The following TNNI1 variants were observed in gnomAD, a reference collection of about 807,000 sequenced individuals.
TNNI1 encodes the protein troponin I1, slow skeletal type.
Under a neutral mutation model 26.7 loss-of-function variants are expected in TNNI1, and 14 were observed. The observed-to-expected ratio is 0.52, with a 90% confidence interval of 0.35 to 0.82. The LOEUF is 0.82. Ranked by LOEUF, TNNI1 falls within the 40% of genes least tolerant of loss-of-function variation. The probability of loss-of-function intolerance (pLI) is 0.01; values close to 1 mark genes in which losing one functional copy is unlikely to be tolerated. For missense variants in TNNI1, 164 were observed against 257.0 expected (o/e 0.64, Z 2.47); for synonymous variants, 79 against 98.2 (o/e 0.80, Z 1.16).
At chr1:201,417,287 G>A (rs746827260) in intron 2 of TNNI1, among the ~76,000 whole-genome samples, 168 bp from the exon 3 acceptor site, 7 of 152,108 alleles carry the variant, frequency 4.6e-5, no homozygotes, top group African/African-American at 9.7e-5. Context: ...CAAGGGGAGC[G>A]GTTTGAGGTT....
At chr1:201,417,744 T>C in intron 2 of TNNI1, 39 bp downstream of exon 2, 1 of 1,313,396 alleles carries the variant, frequency 7.6e-7, no homozygotes, top group Non-Finnish European at 9.8e-7. Flanking sequence ...CAAAGGGACT[T>C]GCCTTCCTGG....
chr1:201,419,049 T>A (rs957392610), intron 1 of TNNI1, among the ~76,000 whole-genome samples: 1 of 152,014 alleles, frequency 6.6e-6, no homozygotes, highest in African/African-American at 2.4e-5. Flanking sequence ...ATGAAATAAT[T>A]GATACAACAA....
At chr1:201,417,223 G>A (rs534299787) in intron 2 of TNNI1, 104 bp from the exon 3 acceptor site, 24 of 1,455,182 alleles carry the variant, frequency 1.6e-5, no homozygotes, top group African/African-American at 1.5e-4. Flanking sequence ...AGACCAGCTT[G>A]GGGGAGGAGG....
chr1:201,417,003 T>TCC (rs1399411273), intron 3 of TNNI1, 113 bp downstream of exon 3: 26 of 1,282,584 alleles, frequency 2.0e-5, no homozygotes, highest in Non-Finnish European at 2.8e-5. Context: ...CCCCCTGGAC[T>TCC]CCCACCAGGC....
intron 1 of TNNI1, among the ~76,000 whole-genome samples, chr1:201,418,922 T>C (rs1451940064): frequency 6.6e-6 from 1 of 152,112 alleles, no homozygotes; most frequent in Non-Finnish European, 1.5e-5. Flanking sequence ...TACTTGGAAG[T>C]AAAATAAATT....
chr1:201,417,672 C>CT (rs1179580416), intron 2 of TNNI1, 111 bp downstream of exon 2: 4 of 969,128 alleles, frequency 4.1e-6, no homozygotes, highest in Non-Finnish European at 5.5e-6. Flanking sequence ...GACCTGGTCT[C>CT]TTAGGGAAAA....
intron 3 of TNNI1, among the ~76,000 whole-genome samples, chr1:201,415,649 C>G (rs554328450): frequency 5.3e-5 from 8 of 152,176 alleles, no homozygotes; most frequent in East Asian, 1.9e-4. Context: ...CTTTGAAAAT[C>G]GTAAAAGCTA....
In TNNI1 at chr1:201,406,235, C is replaced by T. The variant is rs1389465073; in HGVS notation, c.*3018G>A. On this transcript the variant is annotated 3_prime_UTR_variant, in exon 9 of 9. Transcript: ENST00000361379. ...AGTGAGCTACTTGAACTCTCCAGGC[C>T]TCCATTTCCTCATCTGTAAATTTGA... is the stretch of plus-strand genomic sequence containing the variant. 8.4e-6 allele frequency: 1 copy of T among 118,646 alleles called. No homozygotes were observed. Among genetic ancestry groups the T allele is most frequent in the Non-Finnish European group, 1.8e-5 (1 of 55,060 alleles). The allele number at this position is 118,646 out of a possible 1,614,324, so 7.3% of individuals were successfully genotyped here.
chr1:201,415,384 G>T, intron 3 of TNNI1, 130 bp from the exon 4 acceptor site: 1 of 909,706 alleles, frequency 1.1e-6, no homozygotes, highest in Non-Finnish European at 1.7e-6. Flanking sequence ...ACCCTACGGT[G>T]CCTTAAAAGC....
In TNNI1 at chr1:201,419,765, G is replaced by A. The variant is rs184516930; in HGVS notation, c.-20+1908C>T. On this transcript the variant is annotated intron_variant, in intron 1 of 8. Coordinates refer to ENST00000361379, the MANE Select transcript of TNNI1 (RefSeq NM_003281.4). Reference sequence around the variant, plus strand: ...TGGGCCTCCCTCCACCTCTGCCTCCGCCACCAGGGGAGGGTAAGGCTGGGG... The same window carrying A: ...TGGGCCTCCCTCCACCTCTGCCTCCACCACCAGGGGAGGGTAAGGCTGGGG... Among the ~76,000 whole-genome samples, 984 of 152,232 alleles carry A rather than the reference G, an allele frequency of 6.5e-3. 5 individuals carry two copies. Among genetic ancestry groups the A allele is most frequent in the African/African-American group, 0.022 (911 of 41,556 alleles).
intron 2 of TNNI1, 131 bp downstream of exon 2, chr1:201,417,652 C>T: frequency 1.4e-6 from 1 of 693,628 alleles, no homozygotes; most frequent in Non-Finnish European, 2.1e-6. Flanking sequence ...AAGTGCTGCC[C>T]CTGTTTGAGG....
Position 201,405,577 on chromosome 1 carries a change from G to A in TNNI1, c.*3676C>T, listed in dbSNP as rs1390433380. 1 of 152,740 alleles carries A rather than the reference G, an allele frequency of 6.5e-6. No homozygotes were observed. Among genetic ancestry groups the A allele is most frequent in the African/African-American group, 2.4e-5 (1 of 41,440 alleles). 9.5% of individuals were successfully genotyped at this position (152,740 alleles called of 1,614,324 possible). ...TGTGGGGAGTATGACTCACTTCGCG[G>A]GGGGCCATTGTGGCTAATGTTTAAC... On this transcript the variant is annotated 3_prime_UTR_variant, in exon 9 of 9. Coordinates refer to ENST00000361379, the MANE Select transcript of TNNI1 (RefSeq NM_003281.4).
Position 201,407,069 on chromosome 1 carries a change from A to G in TNNI1, c.*2184T>C, listed in dbSNP as rs1233680273. On this transcript the variant is annotated 3_prime_UTR_variant, in exon 9 of 9. Coordinates refer to ENST00000361379, the MANE Select transcript of TNNI1 (RefSeq NM_003281.4). ...GGATACCCCAATCTGCCAGGGCCCCAGGTTAATAGTTGACTGCAAAACTGG... is the reference window on the plus strand; with the variant it reads ...GGATACCCCAATCTGCCAGGGCCCCGGGTTAATAGTTGACTGCAAAACTGG... 1.3e-5 allele frequency: 2 copies of G among 152,368 alleles called. No individual in the cohort carries two copies. The highest frequency in any genetic ancestry group is 3.9e-4 in the East Asian group (2 of 5,188). The allele number at this position is 152,368 out of a possible 1,614,324, so 9.4% of individuals were successfully genotyped here.
At position 201,414,598 on chromosome 1, in the gene TNNI1, GCTC is replaced by G. The variant is rs897039592; in HGVS notation, c.106_108del (p.Glu36del). 10 of 1,613,940 alleles carry G rather than the reference GCTC, an allele frequency of 6.2e-6. No individual in the cohort carries two copies. Among genetic ancestry groups the G allele is most frequent in the Non-Finnish European group, 8.5e-6 (10 of 1,180,008 alleles). On this transcript the variant is annotated inframe_deletion, in exon 5 of 9. Transcript: ENST00000361379. ...AGGTAGCGCACCTTCTCAGCCTCGCGCTCCTCGTGCTCCTGCTCCCAGCATTCC... is the reference window on the plus strand; with the variant it reads ...AGGTAGCGCACCTTCTCAGCCTCGCGCTCGTGCTCCTGCTCCCAGCATTCC...
intron 4 of TNNI1, 149 bp from the exon 5 acceptor site, chr1:201,414,798 G>T: frequency 7.7e-7 from 1 of 1,300,716 alleles, no homozygotes; most frequent in Admixed American, 2.4e-5. Flanking sequence ...GCCACCATGA[G>T]GGTACACCCA....
At position 201,405,660 on chromosome 1, in the gene TNNI1, C is replaced by A. The variant is rs1662500373; in HGVS notation, c.*3593G>T. The A allele has an allele frequency of 2.0e-5, 3 of 152,732 alleles. No individual in the cohort carries two copies. The highest frequency in any genetic ancestry group is 1.3e-4 in the Admixed American group (2 of 15,292). 9.5% of individuals were successfully genotyped at this position (152,732 alleles called of 1,614,324 possible). A position where few individuals can be genotyped will look rare whatever the true frequency, so the allele number is the denominator to read the frequency against. The stretch of plus-strand genomic sequence containing the variant: ...CAGCAGCCCTTAGCGCTGGGCCCTG[C>A]CCTGATCATGCCTGCTGCTGAGTGG... On this transcript the variant is annotated 3_prime_UTR_variant, in exon 9 of 9. Transcript: ENST00000361379.
intron 5 of TNNI1, 48 bp from the exon 6 acceptor site, chr1:201,413,169 A>G: frequency 5.6e-6 from 9 of 1,605,424 alleles, no homozygotes; most frequent in Non-Finnish European, 7.7e-6. Context: ...AGGGGAACAG[A>G]GACATCAGTT....
intron 2 of TNNI1, 106 bp from the exon 3 acceptor site, chr1:201,417,225 G>C: frequency 6.8e-7 from 1 of 1,460,992 alleles, no homozygotes; most frequent in South Asian, 1.1e-5. Context: ...ACCAGCTTGG[G>C]GGAGGAGGGG....
At chr1:201,413,552 C>T (rs369192525) in intron 5 of TNNI1, among the ~76,000 whole-genome samples, 1 of 152,198 alleles carries the variant, frequency 6.6e-6, no homozygotes, top group Non-Finnish European at 1.5e-5. Context: ...CAAGACCAGC[C>T]TGACCAATGT....
Sources: gnomAD v4.1 joint callset for allele counts (sites outside exome capture counted in the v4.1 genomes callset) on GRCh38, gnomAD v4.1.1 for gene constraint, MANE v1.5 for transcripts, NCBI Gene and HGNC (gene_info 2026-07-23, HGNC 2026-07-21) for gene names.